SLC25A27: variants seen among roughly 807,000 people sequenced by gnomAD.
SLC25A27 encodes the protein mitochondrial uncoupling protein 4.
A neutral mutation model predicts 49.1 loss-of-function variants in SLC25A27; 35 were observed. The ratio of observed to expected loss-of-function variants is 0.71; its 90% CI spans 0.54 to 0.95. SLC25A27 has a LOEUF of 0.95. Ranked by LOEUF, SLC25A27 falls within the 40% of genes least tolerant of loss-of-function variation. SLC25A27 has a pLI of 0.00. For synonymous variants in SLC25A27, 144 were observed against 136.9 expected (o/e 1.05, Z -0.36); for missense variants, 339 against 397.1 (o/e 0.85, Z 1.24).
In SLC25A27 at chr6:46,672,719, A is replaced by G. The variant is rs138212435; in HGVS notation, c.900+1491A>G. On this transcript the variant is annotated intron_variant, in intron 8 of 8. Coordinates refer to ENST00000371347, the MANE Select transcript of SLC25A27 (RefSeq NM_004277.5). ...ATAAAATAAGGTTAGTTTAAGACCT[A>G]TGAAATTTTGGATACCCATAGGACA... Among the ~76,000 whole-genome samples, 436 of 152,310 alleles carry G rather than the reference A, an allele frequency of 2.9e-3. 3 individuals are homozygous for G. The highest frequency in any genetic ancestry group is 9.8e-3 in the African/African-American group (408 of 41,572).
Position 46,656,125 on chromosome 6 carries a change from T to C in SLC25A27, c.298+91T>C, listed in dbSNP as rs534568088. ...GTTTGTCCAAAAACAAGTTAGTTTT[T>C]TTATCTTACTGATACAATAACTGAA... On this transcript the variant is annotated intron_variant, in intron 2 of 8. Coordinates refer to ENST00000371347, the MANE Select transcript of SLC25A27 (RefSeq NM_004277.5). 12 of 1,016,916 alleles carry C rather than the reference T, an allele frequency of 1.2e-5. No homozygotes were observed. The East Asian group carries it at 2.0e-4, about 17-fold the overall frequency. 63.0% of individuals were successfully genotyped at this position (1,016,916 alleles called of 1,614,324 possible).
chr6:46,656,964 G>A (rs921089309), intron 2 of SLC25A27, among the ~76,000 whole-genome samples: 3 of 152,110 alleles, frequency 2.0e-5, no homozygotes, highest in Admixed American at 1.3e-4. Context: ...CCAGGAGTTC[G>A]AGACCAGCCT....
intron 3 of SLC25A27, among the ~76,000 whole-genome samples, chr6:46,661,099 C>T (rs1222176340): frequency 6.6e-6 from 1 of 151,572 alleles, no homozygotes; most frequent in Non-Finnish European, 1.5e-5. Context: ...GTAACAGAGT[C>T]GATGAATAAA....
rs547086075 is a variant in SLC25A27, at chr6:46,653,406, C to T, written c.106+108C>T. The T allele has an allele frequency of 5.2e-5, 75 of 1,441,490 alleles. 1 individual carries two copies. The South Asian group carries it at 1.1e-3, about 21-fold the overall frequency. The allele number at this position is 1,441,490 out of a possible 1,614,324, so 89.3% of individuals were successfully genotyped here. On this transcript the variant is annotated intron_variant, in intron 1 of 8. Transcript: ENST00000371347. Reference sequence around the variant, plus strand: ...GGCAGTGCGCATCGGAGAGGTCGCCCCTTCCATGCCCGCCTGGCAGAGGTG... The same window carrying T: ...GGCAGTGCGCATCGGAGAGGTCGCCTCTTCCATGCCCGCCTGGCAGAGGTG...
chr6:46,666,342 T>G (rs1484393098), intron 5 of SLC25A27, among the ~76,000 whole-genome samples: 1 of 152,234 alleles, frequency 6.6e-6, no homozygotes, highest in Non-Finnish European at 1.5e-5. Flanking sequence ...TGTGTTTTAT[T>G]CATCTTTATT....
chr6:46,655,535 G>GTTTTTTTTTTTTTTTTTTTTTTTTTTTTT lies in SLC25A27; in HGVS notation c.107-298_107-270dup, dbSNP rs773585919. ...ATTTTAATTTTTATTGTTAATGTTT[G>GTTTTTTTTTTTTTTTTTTTTTTTTTTTTT]TTTTTTTTTTTTTTTTTTTTTTTTT... On this transcript the variant is annotated intron_variant, in intron 1 of 8. Coordinates refer to ENST00000371347, the MANE Select transcript of SLC25A27 (RefSeq NM_004277.5). Among the ~76,000 whole-genome samples, 5 of 10,738 alleles carry GTTTTTTTTTTTTTTTTTTTTTTTTTTTTT rather than the reference G, an allele frequency of 4.7e-4. 1 individual carries two copies. Among genetic ancestry groups the GTTTTTTTTTTTTTTTTTTTTTTTTTTTTT allele is most frequent in the Non-Finnish European group, 8.1e-4 (4 of 4,952 alleles). 7.0% of individuals were successfully genotyped at this position (10,738 alleles called of 152,430 possible). A position where few individuals can be genotyped will look rare whatever the true frequency, so the allele number is the denominator to read the frequency against.
At chr6:46,669,607 T>C (rs1484437209) in intron 6 of SLC25A27, among the ~76,000 whole-genome samples, 1 of 152,078 alleles carries the variant, frequency 6.6e-6, no homozygotes, top group African/African-American at 2.4e-5. Flanking sequence ...CACACACGCA[T>C]GTGAATTTAA....
At chr6:46,663,050 T>C (rs1047392354) in intron 4 of SLC25A27, among the ~76,000 whole-genome samples, 3 of 152,142 alleles carry the variant, frequency 2.0e-5, no homozygotes. Context: ...TGAAGCCCTC[T>C]TTTTCCCTAA....
intron 1 of SLC25A27, among the ~76,000 whole-genome samples, chr6:46,654,865 G>A (rs1762921237): frequency 6.6e-6 from 1 of 152,126 alleles, no homozygotes; most frequent in South Asian, 2.1e-4. Flanking sequence ...TTTTCTCTTG[G>A]AAAAGGTATA....
rs776567639 is a variant in SLC25A27, at chr6:46,658,722, A to G, written c.299-240A>G. 2.3e-5 allele frequency: 12 copies of G among 522,520 alleles called. No homozygotes were observed. In the South Asian group the frequency reaches 2.7e-4, roughly 12 times the overall value. 32.4% of individuals were successfully genotyped at this position (522,520 alleles called of 1,614,324 possible). ...ACAAGGAGATGTTAGTAAAGCAGAG[A>G]AGGGAGAATTCATTCTAGAAAGATC... is the stretch of plus-strand genomic sequence containing the variant. On this transcript the variant is annotated intron_variant, in intron 2 of 8. Transcript: ENST00000371347.
chr6:46,661,932 G>A (rs1451414999), intron 3 of SLC25A27, among the ~76,000 whole-genome samples: 1 of 152,142 alleles, frequency 6.6e-6, no homozygotes, highest in Non-Finnish European at 1.5e-5. Context: ...ATACCCATTT[G>A]TAGCTCTTCA....
At chr6:46,675,215 T>TA (rs1481573902) in intron 8 of SLC25A27, among the ~76,000 whole-genome samples, 1 of 152,208 alleles carries the variant, frequency 6.6e-6, no homozygotes, top group Non-Finnish European at 1.5e-5. Flanking sequence ...GGTTAGTACT[T>TA]ATTTCATTTG....
At chr6:46,661,564 A>G (rs553351777) in intron 3 of SLC25A27, among the ~76,000 whole-genome samples, 1 of 152,364 alleles carries the variant, frequency 6.6e-6, no homozygotes, top group African/African-American at 2.4e-5. Context: ...GAACATTTAT[A>G]CAGATATGCT....
At chr6:46,670,515 T>G (rs967270631) in intron 7 of SLC25A27, 2 of 328,408 alleles carry the variant, frequency 6.1e-6, no homozygotes, top group African/African-American at 4.5e-5. Flanking sequence ...TACAGAGCAC[T>G]TTCTTCAGAC....
chr6:46,653,418 G>A (rs1049806830), intron 1 of SLC25A27, 120 bp downstream of exon 1: 22 of 1,436,118 alleles, frequency 1.5e-5, no homozygotes, highest in South Asian at 9.0e-5. Flanking sequence ...TTCCATGCCC[G>A]CCTGGCAGAG....
intron 8 of SLC25A27, among the ~76,000 whole-genome samples, chr6:46,674,079 AAC>A (rs1763661598): frequency 6.6e-6 from 1 of 152,154 alleles, no homozygotes; most frequent in African/African-American, 2.4e-5. Context: ...CCATTGCAGA[AAC>A]ACAAACTCAG....
chr6:46,653,758 G>C (rs1762858602), intron 1 of SLC25A27: 1 of 985,160 alleles, frequency 1.0e-6, no homozygotes, highest in South Asian at 4.7e-5. Context: ...CACTCACAGA[G>C]CATCGACTAC....
intron 2 of SLC25A27, 133 bp from the exon 3 acceptor site, chr6:46,658,829 C>G: frequency 1.4e-6 from 1 of 722,900 alleles, no homozygotes; most frequent in East Asian, 2.6e-5. Context: ...GTTAGAAGCA[C>G]CGGCCCCATG....
intron 3 of SLC25A27, among the ~76,000 whole-genome samples, chr6:46,661,185 T>G (rs1230788581): frequency 2.6e-5 from 4 of 151,976 alleles, no homozygotes; most frequent in Admixed American, 2.6e-4. Context: ...TGATAATGTA[T>G]GTGCTCATCA....
Sources: gnomAD v4.1 joint callset for allele counts (sites outside exome capture counted in the v4.1 genomes callset) on GRCh38, gnomAD v4.1.1 for gene constraint, MANE v1.5 for transcripts, NCBI Gene and HGNC (gene_info 2026-07-23, HGNC 2026-07-21) for gene names.